Variants in RPRD2 observed in about 807,000 individuals in gnomAD.
RPRD2 encodes the protein regulation of nuclear pre-mRNA domain containing 2, also known as regulation of nuclear pre-mRNA domain-containing protein 2.
In RPRD2, 12 loss-of-function variants were observed where a neutral mutation model predicts 104.4. The ratio of observed to expected loss-of-function variants is 0.11; its 90% CI spans 0.07 to 0.19. The LOEUF is 0.19. Among genes scored for constraint, RPRD2 ranks in the 10% least tolerant of loss-of-function variants. The probability of loss-of-function intolerance (pLI) is 1.00; values close to 1 mark genes in which losing one functional copy is unlikely to be tolerated. For missense variants in RPRD2, 1,543 were observed against 1,790.1 expected (o/e 0.86, Z 2.49); for synonymous variants, 714 against 684.9 (o/e 1.04, Z -0.66).
At chr1:150,455,538 A>C (rs1254795567) in intron 7 of RPRD2, among the ~76,000 whole-genome samples, 2 of 151,966 alleles carry the variant, frequency 1.3e-5, no homozygotes, top group Admixed American at 6.6e-5. Flanking sequence ...AAAGTGTCAC[A>C]AACAAGAGGA....
chr1:150,402,992 C>T (rs1199749035), intron 1 of RPRD2, among the ~76,000 whole-genome samples: 1 of 151,136 alleles, frequency 6.6e-6, no homozygotes, highest in African/African-American at 2.4e-5. Flanking sequence ...CAAAAAAGAT[C>T]CCCGTTTCAG....
intron 2 of RPRD2, among the ~76,000 whole-genome samples, chr1:150,439,076 G>A (rs1406564102): frequency 1.3e-5 from 2 of 151,976 alleles, no homozygotes; most frequent in African/African-American, 2.4e-5. Context: ...CTTGTGATCC[G>A]CCTCCCTCGG....
intron 1 of RPRD2, among the ~76,000 whole-genome samples, chr1:150,380,845 C>T (rs1044992113): frequency 3.3e-5 from 5 of 151,650 alleles, no homozygotes; most frequent in Non-Finnish European, 7.4e-5. Flanking sequence ...TTAGTAGAGA[C>T]GGGGTTTCAC....
chr1:150,446,324 C>G lies in RPRD2; in HGVS notation c.793C>G (p.Pro265Ala), dbSNP rs199729186. The change falls in exon 7 of 11, where the codon CCC becomes GCC. Residue 265 changes from proline to alanine, a missense_variant. Around this residue, in one of 4 missense-constraint regions of RPRD2, gnomAD observed 572 missense variants for 787.3 expected, o/e 0.73. Transcript: ENST00000369068. ...ATTAGATAAGCAGGTGAAAAACGGA[C>G]CCTCATTAACAGAAGCACTGGAAAA... ...NGLDKQVKNG[P>A]SLTEALENAG... The G allele has an allele frequency of 6.2e-7, 1 of 1,612,444 alleles. No individual in the cohort carries two copies.
chr1:150,406,360 G>T (rs782078483), intron 1 of RPRD2, among the ~76,000 whole-genome samples: 2 of 152,100 alleles, frequency 1.3e-5, no homozygotes, highest in Non-Finnish European at 2.9e-5. Context: ...TTTGTTTAGG[G>T]TTCTTGTTAA....
chr1:150,409,290 T>C (rs1157520820), intron 1 of RPRD2, among the ~76,000 whole-genome samples: 1 of 152,232 alleles, frequency 6.6e-6, no homozygotes, highest in Non-Finnish European at 1.5e-5. Context: ...TACCTCATTG[T>C]ACCTAGCCCC....
chr1:150,412,693 G>A (rs1553887889), intron 1 of RPRD2, among the ~76,000 whole-genome samples: 2 of 152,158 alleles, frequency 1.3e-5, no homozygotes, highest in African/African-American at 2.4e-5. Context: ...TGAGCAGTGC[G>A]AAATCATTGA....
Position 150,472,751 on chromosome 1 carries a change from C to T in RPRD2, c.3803C>T (p.Pro1268Leu), listed in dbSNP as rs778863488. ...PPGEHSGIPF[P>L]TPPPPPPPGE... Reference sequence around the variant, plus strand: ...GGAGAGCACAGTGGAATTCCTTTCCCTACCCCACCTCCTCCTCCCCCTCCT... The same window carrying T: ...GGAGAGCACAGTGGAATTCCTTTCCTTACCCCACCTCCTCCTCCCCCTCCT... Residue 1268 changes from proline to leucine, a missense_variant, in exon 11 of 11, where the codon CCT becomes CTT. Coordinates refer to ENST00000369068, the MANE Select transcript of RPRD2 (RefSeq NM_015203.5). 8 of 1,612,814 alleles carry T rather than the reference C, an allele frequency of 5.0e-6. No individual in the cohort carries two copies. Among genetic ancestry groups the T allele is most frequent in the Middle Eastern group, 1.6e-4 (1 of 6,062 alleles).
At chr1:150,380,994 G>T (rs587709614) in intron 1 of RPRD2, among the ~76,000 whole-genome samples, 1 of 152,034 alleles carries the variant, frequency 6.6e-6, no homozygotes. Flanking sequence ...ATACTGCCTT[G>T]TTTATTTATT....
chr1:150,455,594 T>C (rs1310649136), intron 7 of RPRD2, among the ~76,000 whole-genome samples: 1 of 150,514 alleles, frequency 6.6e-6, no homozygotes, highest in Non-Finnish European at 1.5e-5. Context: ...CTGTGGTATC[T>C]TGGATGGGAT....
At chr1:150,416,455 A>ATTCT (rs1664333394) in intron 1 of RPRD2, among the ~76,000 whole-genome samples, 1 of 152,174 alleles carries the variant, frequency 6.6e-6, no homozygotes, top group African/African-American at 2.4e-5. Flanking sequence ...CTGAGAGACA[A>ATTCT]GAAAACATGG....
intron 2 of RPRD2, among the ~76,000 whole-genome samples, chr1:150,431,473 AT>A (rs1160491386): frequency 0.029 from 2,244 of 78,658 alleles, 59 homozygotes; most frequent in African/African-American, 0.069. Flanking sequence ...AAAAGGAAGG[AT>A]TTTTTTTTTT....
Position 150,472,500 on chromosome 1 carries a change from C to T in RPRD2, c.3552C>T (p.Asn1184=). ...FQESVGSFRS[N]SFNSTFEHHL... ...AGAGTGTCGGCAGCTTTCGTTCCAA[C>T]AGTTTCAACTCAACATTTGAGCATC... The change falls in exon 11 of 11, where the codon AAC becomes AAT. Residue 1184 remains asparagine (N), a synonymous_variant. Coordinates refer to ENST00000369068, the MANE Select transcript of RPRD2 (RefSeq NM_015203.5). The T allele has an allele frequency of 6.2e-7, 1 of 1,613,988 alleles. No homozygotes were observed. Among genetic ancestry groups the T allele is most frequent in the Non-Finnish European group, 8.5e-7 (1 of 1,179,880 alleles).
At chr1:150,368,084 G>A (rs889013572) in intron 1 of RPRD2, among the ~76,000 whole-genome samples, 4 of 151,814 alleles carry the variant, frequency 2.6e-5, no homozygotes, top group African/African-American at 9.7e-5. Flanking sequence ...TGATCTGTAA[G>A]TCCTGTACCA....
In RPRD2 at chr1:150,442,075, C is replaced by G. The variant is rs1211640091; in HGVS notation, c.514+117C>G. The G allele has an allele frequency of 2.1e-5, 13 of 617,116 alleles. No individual in the cohort carries two copies. The East Asian group carries it at 4.3e-4, about 20-fold the overall frequency. The allele number at this position is 617,116 out of a possible 1,614,324, so 38.2% of individuals were successfully genotyped here. On this transcript the variant is annotated intron_variant, in intron 4 of 10. Coordinates refer to ENST00000369068, the MANE Select transcript of RPRD2 (RefSeq NM_015203.5). Reference sequence around the variant, plus strand: ...CCATGGGCAAGCCTGTTTTCCAGGTCTGGGAGGCTCCCAGTGACCTATGCT... The same window carrying G: ...CCATGGGCAAGCCTGTTTTCCAGGTGTGGGAGGCTCCCAGTGACCTATGCT...
rs1194416194 is a variant in RPRD2, at chr1:150,474,475, G to C, written c.*1141G>C. 1 of 151,930 alleles carries C rather than the reference G, an allele frequency of 6.6e-6. No homozygotes were observed. Among genetic ancestry groups the C allele is most frequent in the African/African-American group, 2.4e-5 (1 of 41,340 alleles). The allele number at this position is 151,930 out of a possible 1,614,324, so 9.4% of individuals were successfully genotyped here. ...TACACATGTGTCTATCCCATTTCAA[G>C]GCTCAAGTCTTACCCCCACCTCTCG... On this transcript the variant is annotated 3_prime_UTR_variant, in exon 11 of 11. Transcript: ENST00000369068.
chr1:150,376,752 G>A (rs1200203601), intron 1 of RPRD2, among the ~76,000 whole-genome samples: 2 of 150,964 alleles, frequency 1.3e-5, no homozygotes, highest in Non-Finnish European at 3.0e-5. Context: ...CGCCCGCCTT[G>A]GCCTCCCAAA....
At chr1:150,412,978 AAAAG>A (rs1295785448) in intron 1 of RPRD2, among the ~76,000 whole-genome samples, 8 of 151,480 alleles carry the variant, frequency 5.3e-5, no homozygotes, top group South Asian at 2.1e-4. Context: ...TTCTTAAAAA[AAAAG>A]GAAGGAAGGA....
At chr1:150,444,450 G>GT (rs782761750) in intron 6 of RPRD2, 73 bp downstream of exon 6, 81 of 1,491,310 alleles carry the variant, frequency 5.4e-5, no homozygotes, top group Admixed American at 2.5e-4. Flanking sequence ...AATCATACTG[G>GT]TTTACCTCAT....
Sources: gnomAD v4.1 joint callset for allele counts (sites outside exome capture counted in the v4.1 genomes callset) on GRCh38, gnomAD v4.1.1 for gene constraint, gnomAD v4.1.1 regional missense constraint, MANE v1.5 for transcripts, NCBI Gene and HGNC (gene_info 2026-07-23, HGNC 2026-07-21) for gene names.